EFCAB13: variants seen among roughly 807,000 people sequenced by gnomAD.
The protein encoded by EFCAB13 is EF-hand calcium-binding domain-containing protein 13.
Under a neutral mutation model 110.2 loss-of-function variants are expected in EFCAB13, and 91 were observed. The ratio of observed to expected loss-of-function variants is 0.83; its 90% confidence interval spans 0.70 to 0.98. The LOEUF is 0.98. EFCAB13 is among the 50% of genes least tolerant of loss of function. The pLI is 0.00. For missense variants in EFCAB13, 968 were observed against 1,119.4 expected (o/e 0.86, Z 1.93); for synonymous variants, 323 against 369.9 (o/e 0.87, Z 1.45).
At chr17:47,346,684 A>G (rs1188026036) in intron 8 of EFCAB13, among the ~76,000 whole-genome samples, 1 of 152,026 alleles carries the variant, frequency 6.6e-6, no homozygotes, top group Non-Finnish European at 1.5e-5. Context: ...TTACCTACAA[A>G]CAACATTCAT....
In EFCAB13 at chr17:47,402,161, G is replaced by A. The variant is rs754065312; in HGVS notation, c.1975G>A (p.Ala659Thr). The part of the protein sequence containing the change: ...EGDKVQFEEF[A>T]KVVRNMRDAA... The stretch of plus-strand genomic sequence containing the variant: ...TGACAAAGTACAATTTGAAGAATTT[G>A]CAAAAGTAGTAAGGAATATGCGTGA... The change falls in exon 18 of 25, where the codon GCA becomes ACA. Residue 659 changes from alanine to threonine, a missense_variant. Coordinates refer to ENST00000331493, the MANE Select transcript of EFCAB13 (RefSeq NM_152347.5). The A allele has an allele frequency of 6.2e-7, 1 of 1,613,932 alleles. No homozygotes were observed. Among genetic ancestry groups the A allele is most frequent in the South Asian group, 1.1e-5 (1 of 91,082 alleles).
At chr17:47,385,637 T>C (rs1356955917) in intron 14 of EFCAB13, among the ~76,000 whole-genome samples, 1 of 152,124 alleles carries the variant, frequency 6.6e-6, no homozygotes, top group Non-Finnish European at 1.5e-5. Context: ...TTCTGAAGCC[T>C]ACGTCTGTCA....
chr17:47,421,559 C>G (rs983256110), intron 23 of EFCAB13, among the ~76,000 whole-genome samples: 19 of 151,046 alleles, frequency 1.3e-4, no homozygotes, highest in South Asian at 2.1e-4. Context: ...TGCTGACCTT[C>G]CCTCCACTAT....
At chr17:47,400,413 T>C (rs1025647433) in intron 17 of EFCAB13, among the ~76,000 whole-genome samples, 8 of 152,306 alleles carry the variant, frequency 5.3e-5, no homozygotes, top group African/African-American at 1.4e-4. Flanking sequence ...CTAATATTGG[T>C]AGTTGCTATT....
chr17:47,388,335 G>A (rs2065687878), intron 14 of EFCAB13, among the ~76,000 whole-genome samples: 1 of 152,150 alleles, frequency 6.6e-6, no homozygotes, highest in Non-Finnish European at 1.5e-5. Context: ...GTTTGGGGGA[G>A]GGGTGTTGTG....
intron 8 of EFCAB13, among the ~76,000 whole-genome samples, chr17:47,347,359 T>G (rs1406455773): frequency 2.0e-5 from 3 of 152,166 alleles, no homozygotes; most frequent in Non-Finnish European, 4.4e-5. Flanking sequence ...ACCAAAAAAT[T>G]CAGTTCAATA....
At chr17:47,363,723 C>G (rs1447503374) in intron 10 of EFCAB13, among the ~76,000 whole-genome samples, 7 of 152,074 alleles carry the variant, frequency 4.6e-5, no homozygotes, top group African/African-American at 1.7e-4. Flanking sequence ...GTAAATATGG[C>G]AGAAAAATAA....
Position 47,401,316 on chromosome 17 carries a change from T to C in EFCAB13, c.1946-816T>C, listed in dbSNP as rs369555208. Among the ~76,000 whole-genome samples, 21 of 152,338 alleles carry C rather than the reference T, an allele frequency of 1.4e-4. No individual in the cohort carries two copies. In the East Asian group the frequency reaches 2.7e-3, roughly 20 times the overall value. On this transcript the variant is annotated intron_variant, in intron 17 of 24. Transcript: ENST00000331493. ...AATAAACTATAATATTTCTAAATCCTAAGCTTCCTTATTCCTGGCTGGGAA... is the reference window on the plus strand; with the variant it reads ...AATAAACTATAATATTTCTAAATCCCAAGCTTCCTTATTCCTGGCTGGGAA...
chr17:47,367,338 C>T (rs749568160), intron 10 of EFCAB13, among the ~76,000 whole-genome samples: 6 of 152,218 alleles, frequency 3.9e-5, no homozygotes, highest in Non-Finnish European at 5.9e-5. Flanking sequence ...GTGGACCCAA[C>T]ACCAAAATGA....
intron 4 of EFCAB13, among the ~76,000 whole-genome samples, chr17:47,332,586 G>T (rs1286019550): frequency 6.8e-6 from 1 of 146,286 alleles, no homozygotes; most frequent in Non-Finnish European, 1.5e-5. Flanking sequence ...CCACCCCCCA[G>T]CCTCTGATAA....
intron 5 of EFCAB13, among the ~76,000 whole-genome samples, chr17:47,336,269 G>A (rs965455227): frequency 6.6e-6 from 1 of 151,174 alleles, no homozygotes; most frequent in Non-Finnish European, 1.5e-5. Context: ...TGGGACTACA[G>A]GCGTGCGCCG....
rs572109789 is a variant in EFCAB13, at chr17:47,381,029, C to T, written c.1582+1776C>T. ...TCTTGAGTAGCTGGGACTACAGGTA[C>T]GTACCACCATGCCTGGCTAATTTTT... On this transcript the variant is annotated intron_variant, in intron 14 of 24. Coordinates refer to ENST00000331493, the MANE Select transcript of EFCAB13 (RefSeq NM_152347.5). Among the ~76,000 whole-genome samples the T allele has an allele frequency of 2.0e-3, 308 of 151,924 alleles. 1 individual carries two copies. The highest frequency in any genetic ancestry group is 0.014 in the Middle Eastern group (4 of 292).
intron 17 of EFCAB13, among the ~76,000 whole-genome samples, chr17:47,397,514 T>C (rs2143429064): frequency 6.9e-6 from 1 of 144,824 alleles, no homozygotes; most frequent in Admixed American, 6.9e-5. Context: ...GGCTGCTCAG[T>C]CTGGAAAGTG....
chr17:47,414,968 A>T (rs752008129), intron 23 of EFCAB13, 49 bp downstream of exon 23: 31 of 1,344,488 alleles, frequency 2.3e-5, no homozygotes, highest in African/African-American at 1.6e-4. Context: ...ATAAATATTT[A>T]AAAATGACAT....
At chr17:47,389,924 A>G (rs1343723039) in intron 14 of EFCAB13, among the ~76,000 whole-genome samples, 1 of 150,794 alleles carries the variant, frequency 6.6e-6, no homozygotes, top group Non-Finnish European at 1.5e-5. Context: ...TTCACAAGAT[A>G]GGGACATGTA....
chr17:47,424,803 C>G (rs537019797), intron 23 of EFCAB13, among the ~76,000 whole-genome samples: 2 of 150,164 alleles, frequency 1.3e-5, no homozygotes, highest in East Asian at 3.9e-4. Flanking sequence ...AAGTTAAATT[C>G]TCATACCACC....
chr17:47,385,767 C>T (rs563455589), intron 14 of EFCAB13, among the ~76,000 whole-genome samples: 70 of 152,204 alleles, frequency 4.6e-4, no homozygotes, highest in African/African-American at 1.7e-3. Flanking sequence ...CTGGTTTGTC[C>T]TCATCTTTAT....
At chr17:47,331,434 C>A (rs923900074) in intron 4 of EFCAB13, among the ~76,000 whole-genome samples, 6 of 151,550 alleles carry the variant, frequency 4.0e-5, no homozygotes, top group African/African-American at 1.5e-4. Context: ...TTTTTTAGAG[C>A]AGTTTTAGGT....
intron 20 of EFCAB13, among the ~76,000 whole-genome samples, chr17:47,408,029 T>C: frequency 6.6e-6 from 1 of 152,206 alleles, no homozygotes; most frequent in Non-Finnish European, 1.5e-5. Context: ...ATTGTAAAAT[T>C]GATCTCAGAG....
Sources: allele counts gnomAD v4.1 joint callset (sites outside exome capture counted in the v4.1 genomes callset), GRCh38; gene constraint gnomAD v4.1.1; transcripts MANE v1.5; gene names NCBI Gene and HGNC (gene_info 2026-07-23, HGNC 2026-07-21).